MACROD2: variants seen among roughly 807,000 people sequenced by gnomAD.
The protein encoded by MACROD2 is mono-ADP ribosylhydrolase 2, also known as ADP-ribose glycohydrolase MACROD2.
Under a neutral mutation model 70.4 loss-of-function variants are expected in MACROD2, and 36 were observed. The observed-to-expected ratio is 0.51, with a 90% CI of 0.39 to 0.68. The LOEUF is 0.68. Among genes scored for constraint, MACROD2 ranks in the 30% least tolerant of loss-of-function variants. The probability of loss-of-function intolerance (pLI) is 0.00; values close to 1 mark genes in which losing one functional copy is unlikely to be tolerated. For missense variants in MACROD2, 496 were observed against 538.4 expected, an observed-to-expected ratio of 0.92 and a Z score of 0.78; for synonymous variants, 172 against 178.8, an observed-to-expected ratio of 0.96 and a Z score of 0.30.
intron 3 of MACROD2, among the ~76,000 whole-genome samples, chr20:14,427,845 A>T: frequency 6.6e-6 from 1 of 152,264 alleles, no homozygotes; most frequent in East Asian, 1.9e-4. Context: ...TAGAGTAATG[A>T]AATACCAAGT....
intron 13 of MACROD2, 144 bp from the exon 14 acceptor site, chr20:15,986,583 G>A: frequency 1.9e-6 from 1 of 535,912 alleles, no homozygotes. Flanking sequence ...CTGATGATTA[G>A]AAAAATTGTA....
At chr20:15,643,911 C>T (rs2049500382) in intron 8 of MACROD2, among the ~76,000 whole-genome samples, 1 of 152,134 alleles carries the variant, frequency 6.6e-6, no homozygotes, top group South Asian at 2.1e-4. Flanking sequence ...AAGATGGCCA[C>T]TAGGGGTCCA....
chr20:14,665,646 T>G (rs1295350866), intron 4 of MACROD2, among the ~76,000 whole-genome samples: 1 of 152,102 alleles, frequency 6.6e-6, no homozygotes, highest in African/African-American at 2.4e-5. Flanking sequence ...CTTACCTAAG[T>G]TCAATCATAT....
At chr20:15,225,016 A>C (rs868226762) in intron 5 of MACROD2, among the ~76,000 whole-genome samples, 2 of 151,870 alleles carry the variant, frequency 1.3e-5, no homozygotes, top group Admixed American at 6.6e-5. Flanking sequence ...TTAATATGTA[A>C]ACTGATGTCA....
At chr20:15,239,285 A>C (rs953109726) in intron 6 of MACROD2, among the ~76,000 whole-genome samples, 7 of 151,990 alleles carry the variant, frequency 4.6e-5, no homozygotes, top group African/African-American at 1.7e-4. Flanking sequence ...AAGTAAAAAC[A>C]ATAAAAAATT....
At chr20:15,350,564 G>C in intron 6 of MACROD2, among the ~76,000 whole-genome samples, 1 of 152,076 alleles carries the variant, frequency 6.6e-6, no homozygotes, top group Middle Eastern at 3.2e-3. Context: ...ATGTCATATG[G>C]GATCACGTAT....
chr20:15,864,574 A>G (rs553612234), intron 9 of MACROD2, among the ~76,000 whole-genome samples: 10 of 152,180 alleles, frequency 6.6e-5, no homozygotes, highest in Non-Finnish European at 1.5e-4. Context: ...TTCTATCAGC[A>G]GGTATTTCCA....
chr20:15,933,070 A>G (rs2065603501), intron 10 of MACROD2, among the ~76,000 whole-genome samples: 1 of 152,200 alleles, frequency 6.6e-6, no homozygotes, highest in Non-Finnish European at 1.5e-5. Context: ...TCATCTAGCA[A>G]ATCATGTGAG....
intron 5 of MACROD2, among the ~76,000 whole-genome samples, chr20:15,167,131 G>A (rs1223039197): frequency 2.6e-5 from 4 of 151,740 alleles, no homozygotes; most frequent in Non-Finnish European, 5.9e-5. Flanking sequence ...AGAGTTTCTG[G>A]GTTAAAACAC....
chr20:15,302,127 G>A (rs1237097284), intron 6 of MACROD2, among the ~76,000 whole-genome samples: 1 of 152,050 alleles, frequency 6.6e-6, no homozygotes, highest in Non-Finnish European at 1.5e-5. Flanking sequence ...CCTCCCAAAG[G>A]GCTCAATTGA....
intron 5 of MACROD2, among the ~76,000 whole-genome samples, chr20:14,919,557 G>C (rs189882508): frequency 3.0e-4 from 45 of 152,326 alleles, no homozygotes; most frequent in Middle Eastern, 3.4e-3. Flanking sequence ...ACAGGGCCGT[G>C]TTCTCTTTGT....
At chr20:14,495,736 T>C (rs6105278) in intron 4 of MACROD2, among the ~76,000 whole-genome samples, 3 of 152,098 alleles carry the variant, frequency 2.0e-5, no homozygotes, top group East Asian at 3.8e-4. Context: ...TTTCTAGCAA[T>C]GATAAGACAT....
intron 1 of MACROD2, 133 bp from the exon 2 acceptor site, chr20:14,002,155 T>C: frequency 2.2e-6 from 1 of 451,130 alleles, no homozygotes; most frequent in Non-Finnish European, 3.8e-6. Flanking sequence ...ATGGAGTCAC[T>C]GGATTTGCAT....
intron 5 of MACROD2, among the ~76,000 whole-genome samples, chr20:15,220,781 C>G (rs918203160): frequency 4.6e-5 from 7 of 151,514 alleles, no homozygotes; most frequent in African/African-American, 1.7e-4. Context: ...ATGGGGGGGG[C>G]TCTCCAGAAA....
chr20:15,876,091 T>TTATATA lies in MACROD2; in HGVS notation c.728-9657_728-9652dup, dbSNP rs752542911. Among the ~76,000 whole-genome samples, 12 of 33,108 alleles carry TTATATA rather than the reference T, an allele frequency of 3.6e-4. 1 individual carries two copies. Among genetic ancestry groups the TTATATA allele is most frequent in the African/African-American group, 7.5e-4 (10 of 13,418 alleles). The allele number at this position is 33,108 out of a possible 152,430, so 21.7% of individuals were successfully genotyped here. On this transcript the variant is annotated intron_variant, in intron 9 of 17. Coordinates refer to ENST00000684519, the MANE Select transcript of MACROD2 (RefSeq NM_001351661.2). The stretch of plus-strand genomic sequence containing the variant: ...ACTTTTATTGTCAGCTACATGTCTT[T>TTATATA]TATATATATATATATATATATGTGT...
chr20:14,919,777 A>G (rs547047196), intron 5 of MACROD2, among the ~76,000 whole-genome samples: 1 of 152,238 alleles, frequency 6.6e-6, no homozygotes, highest in Non-Finnish European at 1.5e-5. Context: ...TAAACCAGAT[A>G]GGGAGGAAGA....
chr20:15,690,027 G>A (rs1192379776), intron 8 of MACROD2, among the ~76,000 whole-genome samples: 1 of 152,222 alleles, frequency 6.6e-6, no homozygotes, highest in African/African-American at 2.4e-5. Flanking sequence ...AGGAACTCTA[G>A]TTGTGAGTGC....
chr20:15,670,681 G>C (rs982838507), intron 8 of MACROD2, among the ~76,000 whole-genome samples: 5 of 152,182 alleles, frequency 3.3e-5, no homozygotes, highest in African/African-American at 1.2e-4. Context: ...TTGGGAAATA[G>C]AAATCCTAGG....
intron 15 of MACROD2, among the ~76,000 whole-genome samples, chr20:16,022,624 C>G (rs902022876): frequency 1.4e-4 from 21 of 152,146 alleles, no homozygotes; most frequent in African/African-American, 5.1e-4. Context: ...TTATAATTAT[C>G]CTGAGTATAT....
Sources: gnomAD v4.1 joint callset for allele counts (sites outside exome capture counted in the v4.1 genomes callset) on GRCh38, gnomAD v4.1.1 for gene constraint, MANE v1.5 for transcripts, NCBI Gene and HGNC (gene_info 2026-07-23, HGNC 2026-07-21) for gene names.